The following NUBPL variants were observed in gnomAD, a reference collection of about 807,000 sequenced individuals.
NUBPL encodes NUBP iron-sulfur cluster assembly factor, mitochondrial.
Under a neutral mutation model 45.7 loss-of-function variants are expected in NUBPL, and 31 were observed. That is an observed-to-expected ratio of 0.68 (90% CI 0.51 to 0.92). The LOEUF (loss-of-function observed/expected upper bound fraction) is 0.92. NUBPL is among the 40% of genes least tolerant of loss of function. The pLI, the probability that NUBPL is intolerant of heterozygous loss-of-function variation, is 0.00. For missense variants in NUBPL, 401 were observed against 398.7 expected, an observed-to-expected ratio of 1.01 and a Z score of -0.05; for synonymous variants, 144 against 140.9, an observed-to-expected ratio of 1.02 and a Z score of -0.15.
chr14:31,775,466 A>G (rs1204593293), intron 6 of NUBPL, among the ~76,000 whole-genome samples: 1 of 152,092 alleles, frequency 6.6e-6, no homozygotes, highest in African/African-American at 2.4e-5. Context: ...AAAGTGCCAT[A>G]TCTCACATTA....
intron 3 of NUBPL, among the ~76,000 whole-genome samples, chr14:31,596,739 A>G (rs572941450): frequency 2.0e-5 from 3 of 152,276 alleles, no homozygotes; most frequent in Admixed American, 1.3e-4. Context: ...TTCCCATTCT[A>G]CTTCATTTTA....
chr14:31,727,917 C>T (rs1363782890), intron 6 of NUBPL, among the ~76,000 whole-genome samples: 1 of 152,052 alleles, frequency 6.6e-6, no homozygotes, highest in East Asian at 1.9e-4. Flanking sequence ...TTTTAATATA[C>T]AACATTTGCA....
chr14:31,852,054 A>G (rs1380286095), intron 10 of NUBPL, among the ~76,000 whole-genome samples: 5 of 152,210 alleles, frequency 3.3e-5, no homozygotes, highest in Non-Finnish European at 7.4e-5. Flanking sequence ...CATGGCAGGA[A>G]GAGCACTAAA....
chr14:31,603,820 TA>T (rs2034510644), intron 4 of NUBPL, among the ~76,000 whole-genome samples: 1 of 152,208 alleles, frequency 6.6e-6, no homozygotes, highest in East Asian at 1.9e-4. Context: ...CTTGACTTTT[TA>T]GTGGAATACA....
chr14:31,835,830 C>T (rs1457248249), intron 8 of NUBPL, among the ~76,000 whole-genome samples: 1 of 152,116 alleles, frequency 6.6e-6, no homozygotes, highest in African/African-American at 2.4e-5. Flanking sequence ...TTGAGTCTAA[C>T]AAAGAACTGA....
At chr14:31,569,351 A>G (rs1438394967) in intron 3 of NUBPL, among the ~76,000 whole-genome samples, 1 of 151,916 alleles carries the variant, frequency 6.6e-6, no homozygotes, top group Non-Finnish European at 1.5e-5. Flanking sequence ...TGCCCGCCAC[A>G]ACACCCAGCT....
chr14:31,782,787 A>AAAAT (rs1566559380), intron 6 of NUBPL, among the ~76,000 whole-genome samples: 1 of 151,438 alleles, frequency 6.6e-6, no homozygotes, highest in Non-Finnish European at 1.5e-5. Context: ...CTCCGTCTAA[A>AAAAT]AAACAAACAA....
intron 3 of NUBPL, among the ~76,000 whole-genome samples, chr14:31,598,607 G>A (rs931737442): frequency 6.6e-6 from 1 of 152,204 alleles, no homozygotes; most frequent in Non-Finnish European, 1.5e-5. Flanking sequence ...CCAGCGAAGA[G>A]CCCAGACAGG....
intron 10 of NUBPL, among the ~76,000 whole-genome samples, chr14:31,858,628 C>T (rs1400364880): frequency 6.6e-6 from 1 of 151,710 alleles, no homozygotes; most frequent in African/African-American, 2.4e-5. Context: ...GGTGAAAGAG[C>T]CTATAGGTGC....
intron 4 of NUBPL, among the ~76,000 whole-genome samples, chr14:31,661,123 A>G (rs1382874183): frequency 1.3e-5 from 2 of 152,246 alleles, no homozygotes; most frequent in East Asian, 3.8e-4. Flanking sequence ...ATTCACACCT[A>G]TTAGAAAAGA....
At chr14:31,753,723 C>G (rs1320298702) in intron 6 of NUBPL, among the ~76,000 whole-genome samples, 1 of 152,154 alleles carries the variant, frequency 6.6e-6, no homozygotes, top group Non-Finnish European at 1.5e-5. Context: ...AAGGCAGCTT[C>G]CTATCCCGGG....
intron 7 of NUBPL, among the ~76,000 whole-genome samples, chr14:31,807,997 C>T (rs1283566808): frequency 1.3e-5 from 2 of 152,170 alleles, no homozygotes; most frequent in Non-Finnish European, 2.9e-5. Context: ...TGTTTTGGTA[C>T]CAGTACCATG....
chr14:31,564,714 G>T (rs989753448), intron 2 of NUBPL, among the ~76,000 whole-genome samples: 2 of 151,754 alleles, frequency 1.3e-5, no homozygotes, highest in African/African-American at 4.8e-5. Flanking sequence ...AAATTAAGTG[G>T]ATTATTTGAA....
chr14:31,631,752 C>T (rs2035351072), intron 4 of NUBPL, among the ~76,000 whole-genome samples: 1 of 152,096 alleles, frequency 6.6e-6, no homozygotes, highest in Admixed American at 6.6e-5. Context: ...TGAATTCTCC[C>T]TTATTCCACC....
At chr14:31,567,391 A>G (rs770376698) in intron 3 of NUBPL, among the ~76,000 whole-genome samples, 37 of 151,996 alleles carry the variant, frequency 2.4e-4, no homozygotes, top group South Asian at 1.2e-3. Context: ...CTGCTCATTG[A>G]TTATGTTTTG....
chr14:31,770,957 T>C (rs183718562), intron 6 of NUBPL, among the ~76,000 whole-genome samples: 2 of 152,326 alleles, frequency 1.3e-5, no homozygotes, highest in Admixed American at 1.3e-4. Context: ...TTAAAAATAA[T>C]ATCTATTGAG....
chr14:31,624,765 A>G (rs1480719375), intron 4 of NUBPL, among the ~76,000 whole-genome samples: 4 of 152,104 alleles, frequency 2.6e-5, no homozygotes, highest in Non-Finnish European at 5.9e-5. Flanking sequence ...GAGTTTCATC[A>G]TGTTGGCCAG....
chr14:31,724,449 T>A (rs540376592), intron 6 of NUBPL, among the ~76,000 whole-genome samples: 39 of 7,500 alleles, frequency 5.2e-3, no homozygotes, highest in African/African-American at 0.014. Context: ...AGCAGGTTTT[T>A]AAAAATGTCC....
intron 3 of NUBPL, among the ~76,000 whole-genome samples, chr14:31,567,872 G>A (rs1448263406): frequency 6.6e-6 from 1 of 152,200 alleles, no homozygotes; most frequent in South Asian, 2.1e-4. Context: ...TCTGCAATCT[G>A]TGTTTTAACC....
Sources: allele counts gnomAD v4.1 joint callset (sites outside exome capture counted in the v4.1 genomes callset), GRCh38; gene constraint gnomAD v4.1.1; transcripts MANE v1.5; gene names NCBI Gene and HGNC (gene_info 2026-07-23, HGNC 2026-07-21).